PIK3CB: variants seen among roughly 807,000 people sequenced by gnomAD.
PIK3CB encodes phosphatidylinositol-4,5-bisphosphate 3-kinase catalytic subunit beta, also known as phosphatidylinositol 4,5-bisphosphate 3-kinase catalytic subunit beta isoform.
A neutral mutation model predicts 136.8 loss-of-function variants in PIK3CB; 39 were observed. The observed-to-expected ratio is 0.29, with a 90% CI of 0.22 to 0.37. The LOEUF (loss-of-function observed/expected upper bound fraction) is 0.37, where lower values mean the gene tolerates loss of function less well. PIK3CB is among the 10% of genes least tolerant of loss of function. PIK3CB has a pLI of 1.00. For synonymous variants in PIK3CB, 428 were observed against 436.6 expected (o/e 0.98, Z 0.25); for missense variants, 868 against 1,275.4 (o/e 0.68, Z 4.87).
intron 1 of PIK3CB, among the ~76,000 whole-genome samples, chr3:138,798,092 T>C (rs1253994854): frequency 1.3e-5 from 2 of 152,320 alleles, no homozygotes; most frequent in South Asian, 2.1e-4. Context: ...TATAATATGC[T>C]ACCTTTGAGA....
At chr3:138,726,961 G>A (rs918766085) in intron 8 of PIK3CB, among the ~76,000 whole-genome samples, 5 of 152,080 alleles carry the variant, frequency 3.3e-5, no homozygotes, top group African/African-American at 9.7e-5. Context: ...TGAGGCAGGA[G>A]GGTATCTTGA....
intron 4 of PIK3CB, 113 bp downstream of exon 4, chr3:138,755,641 A>T (rs1011710217): frequency 1.2e-4 from 66 of 567,870 alleles, no homozygotes; most frequent in Non-Finnish European, 1.7e-4. Context: ...TTTACAGATC[A>T]GCAGTGGTCC....
chr3:138,725,199 T>C (rs1425597807), intron 8 of PIK3CB, among the ~76,000 whole-genome samples: 1 of 151,132 alleles, frequency 6.6e-6, no homozygotes, highest in Non-Finnish European at 1.5e-5. Flanking sequence ...ATATTTTTAA[T>C]GTTTAAGATT....
chr3:138,802,239 G>T (rs1392318123), intron 1 of PIK3CB, among the ~76,000 whole-genome samples: 1 of 150,064 alleles, frequency 6.7e-6, no homozygotes, highest in African/African-American at 2.4e-5. Context: ...AAAAATCCAG[G>T]CATGGTGGTG....
Position 138,807,070 on chromosome 3 carries a change from T to C in PIK3CB, c.-121-10503A>G, listed in dbSNP as rs754344569. Among the ~76,000 whole-genome samples, 104 of 152,238 alleles carry C rather than the reference T, an allele frequency of 6.8e-4. 2 individuals are homozygous for C. The highest frequency in any genetic ancestry group is 1.3e-3 in the Non-Finnish European group (90 of 68,040). On this transcript the variant is annotated intron_variant, in intron 1 of 23. Coordinates refer to ENST00000674063, the MANE Select transcript of PIK3CB (RefSeq NM_006219.3). ...AAAATATGTCAATTTGCCTTCATTG[T>C]TTCTGGTCACAATCTGTATCTTGGG...
rs553584694 is a variant in PIK3CB at position 138,726,187 on chromosome 3, G to A, written c.1050+7174C>T. Among the ~76,000 whole-genome samples, 16 of 152,312 alleles carry A rather than the reference G, an allele frequency of 1.1e-4. No individual in the cohort carries two copies. In the South Asian group the frequency reaches 3.3e-3, roughly 32 times the overall value. ...GTTCAGTTCTCAAAGTATGTAGACT[G>A]TTAAGAGCAGATCCTCATATGCACA... On this transcript the variant is annotated intron_variant, in intron 8 of 23. Coordinates refer to ENST00000674063, the MANE Select transcript of PIK3CB (RefSeq NM_006219.3).
chr3:138,787,417 C>A (rs1448087933), intron 2 of PIK3CB, among the ~76,000 whole-genome samples: 1 of 149,622 alleles, frequency 6.7e-6, no homozygotes, highest in Non-Finnish European at 1.5e-5. Flanking sequence ...AATTAAGACA[C>A]ATCATTTACA....
chr3:138,827,101 T>C (rs944135459), intron 1 of PIK3CB, among the ~76,000 whole-genome samples: 2 of 151,804 alleles, frequency 1.3e-5, no homozygotes, highest in Admixed American at 1.3e-4. Context: ...ATTCCTGATC[T>C]CTAAAAATAC....
At chr3:138,705,199 A>AAAC (rs2044353479) in intron 11 of PIK3CB, among the ~76,000 whole-genome samples, 1 of 143,260 alleles carries the variant, frequency 7.0e-6, no homozygotes. Context: ...ACAAAAAAAA[A>AAAC]AACTTATATT....
rs376795843 is a variant in PIK3CB at position 138,788,306 on chromosome 3, A to G, written c.-17+8157T>C. Reference sequence around the variant, plus strand: ...TTCTAAAACTACCAGAAAACAGTGTATGATAAACATTCTTTTAAGGAAATA... The same window carrying G: ...TTCTAAAACTACCAGAAAACAGTGTGTGATAAACATTCTTTTAAGGAAATA... On this transcript the variant is annotated intron_variant, in intron 2 of 23. Coordinates refer to ENST00000674063, the MANE Select transcript of PIK3CB (RefSeq NM_006219.3). Among the ~76,000 whole-genome samples the G allele has an allele frequency of 4.6e-5, 7 of 152,216 alleles. No homozygotes were observed. In the South Asian group the frequency reaches 8.3e-4, roughly 18 times the overall value.
intron 8 of PIK3CB, among the ~76,000 whole-genome samples, chr3:138,717,030 C>T (rs1559837611): frequency 6.8e-6 from 1 of 147,192 alleles, no homozygotes; most frequent in Non-Finnish European, 1.5e-5. Context: ...CCGAGGCAGG[C>T]GGATCATGAG....
At chr3:138,777,279 T>C (rs1021585376) in intron 2 of PIK3CB, among the ~76,000 whole-genome samples, 1 of 152,216 alleles carries the variant, frequency 6.6e-6, no homozygotes, top group Non-Finnish European at 1.5e-5. Context: ...GCTTGACCTC[T>C]AATAGAATAC....
At chr3:138,759,469 A>G in intron 2 of PIK3CB, 110 bp from the exon 3 acceptor site, 1 of 628,784 alleles carries the variant, frequency 1.6e-6, no homozygotes, top group Admixed American at 3.1e-5. Context: ...AATATAGCCA[A>G]TAATGTAACA....
At position 138,655,218 on chromosome 3, in the gene PIK3CB, C is replaced by T. The variant is rs7637169; in HGVS notation, c.*171G>A. The T allele has an allele frequency of 1.8e-5, 11 of 609,758 alleles. No homozygotes were observed. Among genetic ancestry groups the T allele is most frequent in the Admixed American group, 1.2e-4 (4 of 32,776 alleles). 37.8% of individuals were successfully genotyped at this position (609,758 alleles called of 1,614,324 possible). On this transcript the variant is annotated 3_prime_UTR_variant, in exon 24 of 24. Coordinates refer to ENST00000674063, the MANE Select transcript of PIK3CB (RefSeq NM_006219.3). ...GCATTCAAAAAGCAGAGGGAATCAT[C>T]GGGGATTGTTCAGATTAGGTTCTGT...
intron 22 of PIK3CB, among the ~76,000 whole-genome samples, chr3:138,656,715 T>G (rs2043197838): frequency 6.6e-6 from 1 of 152,136 alleles, no homozygotes; most frequent in South Asian, 2.1e-4. Context: ...TTTTGCTCCT[T>G]CCTGTCATCC....
intron 4 of PIK3CB, among the ~76,000 whole-genome samples, chr3:138,749,022 G>A (rs929420190): frequency 6.6e-6 from 1 of 151,924 alleles, no homozygotes; most frequent in African/African-American, 2.4e-5. Context: ...ACACAGCAAA[G>A]GTATAACACA....
At chr3:138,696,428 C>T (rs2044139397) in intron 13 of PIK3CB, among the ~76,000 whole-genome samples, 1 of 152,022 alleles carries the variant, frequency 6.6e-6, no homozygotes, top group Non-Finnish European at 1.5e-5. Context: ...TCAAGTGATC[C>T]TCCTGCCTCT....
At chr3:138,676,742 T>C (rs2595932) in intron 19 of PIK3CB, among the ~76,000 whole-genome samples, 81,935 of 151,992 alleles carry the variant, frequency 0.54, 23,665 homozygotes, top group East Asian at 0.98. Context: ...AAGAAGCCAG[T>C]GACAAAGGCC....
intron 13 of PIK3CB, among the ~76,000 whole-genome samples, chr3:138,697,770 T>G (rs973710562): frequency 6.6e-6 from 1 of 151,966 alleles, no homozygotes; most frequent in Non-Finnish European, 1.5e-5. Context: ...AAGGTCTCAC[T>G]CTATTGCCCA....
Sources: gnomAD v4.1 joint callset for allele counts (sites outside exome capture counted in the v4.1 genomes callset) on GRCh38, gnomAD v4.1.1 for gene constraint, MANE v1.5 for transcripts, NCBI Gene and HGNC (gene_info 2026-07-23, HGNC 2026-07-21) for gene names.